Variants in DNAH17 observed in about 807,000 individuals in gnomAD.
DNAH17 encodes the protein dynein axonemal heavy chain 17, also known as axonemal beta dynein heavy chain 17.
Under a neutral mutation model 485.6 loss-of-function variants are expected in DNAH17, and 376 were observed. The observed-to-expected ratio is 0.77, with a 90% CI of 0.71 to 0.84. DNAH17 has a LOEUF of 0.84. Ranked by LOEUF, DNAH17 falls within the 40% of genes least tolerant of loss-of-function variation. DNAH17 has a pLI of 0.00. For missense variants in DNAH17, 6,370 were observed against 5,839.3 expected (o/e 1.09, Z -2.96); for synonymous variants, 3,031 against 2,405.9 (o/e 1.26, Z -7.60).
intron 37 of DNAH17, among the ~76,000 whole-genome samples, chr17:78,497,375 C>A (rs1313355790): frequency 6.6e-6 from 1 of 152,186 alleles, no homozygotes; most frequent in Non-Finnish European, 1.5e-5. Context: ...ATCCCAGACA[C>A]CCCCATGCCC....
chr17:78,460,057 T>C (rs2088021075), intron 59 of DNAH17, 56 bp from the exon 60 acceptor site: 3 of 1,600,112 alleles, frequency 1.9e-6, no homozygotes, highest in South Asian at 2.2e-5. Flanking sequence ...TCCTCGGTGA[T>C]GCCCCGAAGA....
At chr17:78,458,231 A>G (rs1211753208) in intron 62 of DNAH17, among the ~76,000 whole-genome samples, 1 of 152,216 alleles carries the variant, frequency 6.6e-6, no homozygotes, top group East Asian at 1.9e-4. Flanking sequence ...AATCCGTGAA[A>G]TGACTGTCCA....
At chr17:78,437,611 G>A (rs1416063571) in intron 74 of DNAH17, 30 bp downstream of exon 74, 13 of 1,558,436 alleles carry the variant, frequency 8.3e-6, no homozygotes, top group Admixed American at 1.8e-5. Context: ...GCATGGGATG[G>A]GGAGGCAGCC....
intron 62 of DNAH17, among the ~76,000 whole-genome samples, chr17:78,458,155 C>G (rs1459556558): frequency 6.6e-6 from 1 of 152,204 alleles, no homozygotes; most frequent in African/African-American, 2.4e-5. Context: ...GTGACACATC[C>G]ACATCTGGCA....
intron 55 of DNAH17, 64 bp downstream of exon 55, chr17:78,468,553 A>G (rs1208376694): frequency 6.5e-7 from 1 of 1,543,244 alleles, no homozygotes; most frequent in African/African-American, 1.4e-5. Context: ...GCAAAAACCC[A>G]TACCCTGTAG....
At chr17:78,478,060 TCCA>T (rs1179604793) in intron 51 of DNAH17, among the ~76,000 whole-genome samples, 2 of 57,402 alleles carry the variant, frequency 3.5e-5, no homozygotes, top group Non-Finnish European at 6.2e-5. Context: ...CATTATCATC[TCCA>T]CCATCACCAC....
intron 54 of DNAH17, among the ~76,000 whole-genome samples, chr17:78,469,211 G>A (rs900187109): frequency 9.9e-5 from 15 of 152,092 alleles, no homozygotes; most frequent in South Asian, 4.2e-4. Context: ...ATGCAATCTC[G>A]GCTCACTGCA....
intron 14 of DNAH17, among the ~76,000 whole-genome samples, chr17:78,553,846 A>G (rs937889526): frequency 6.6e-6 from 1 of 152,250 alleles, no homozygotes; most frequent in Non-Finnish European, 1.5e-5. Context: ...TCCTCAGTAT[A>G]TAATCACAAA....
At position 78,472,719 on chromosome 17, in the gene DNAH17, G is replaced by A. The variant is rs544197791; in HGVS notation, c.8511+2559C>T. Reference sequence around the variant, plus strand: ...TCCCCGAGGTCACGCACGCTGTCTCGGCAGGCACAGCCCTCGCTGGCCCTG... The same window carrying A: ...TCCCCGAGGTCACGCACGCTGTCTCAGCAGGCACAGCCCTCGCTGGCCCTG... On this transcript the variant is annotated intron_variant, in intron 54 of 80. Coordinates refer to ENST00000389840, the MANE Select transcript of DNAH17 (RefSeq NM_173628.4). The A allele has an allele frequency of 4.2e-4, 190 of 454,900 alleles. 4 individuals are homozygous for A. The highest frequency in any genetic ancestry group is 2.0e-3 in the South Asian group (126 of 64,268). 28.2% of individuals were successfully genotyped at this position (454,900 alleles called of 1,614,324 possible).
intron 36 of DNAH17, 51 bp downstream of exon 36, chr17:78,500,254 G>T: frequency 6.4e-7 from 1 of 1,551,734 alleles, no homozygotes. Context: ...GCTAGGATCT[G>T]CTTCTATAAA....
chr17:78,460,403 TATGTGTGTGC>T (rs1220416572), intron 58 of DNAH17, 146 bp from the exon 59 acceptor site: 9 of 672,616 alleles, frequency 1.3e-5, no homozygotes, highest in East Asian at 2.8e-5. Flanking sequence ...TGCATGAGTG[TATGTGTGTGC>T]ATGTATGTGT....
In DNAH17 at chr17:78,428,677, G is replaced by A. The variant is rs1187961284; in HGVS notation, c.12436C>T (p.Pro4146Ser). The A allele has an allele frequency of 1.2e-6, 2 of 1,613,826 alleles. No individual in the cohort carries two copies. The highest frequency in any genetic ancestry group is 1.3e-5 in the African/African-American group (1 of 74,880). Residue 4146 changes from proline to serine, a missense_variant, in exon 77 of 81, where the codon CCC becomes TCC. Coordinates refer to ENST00000389840, the MANE Select transcript of DNAH17 (RefSeq NM_173628.4). The stretch of plus-strand genomic sequence containing the variant: ...CCATACAGATAGGGACTCTCAGGGG[G>A]CAGGTTCTCATCGATGTATTCGTGG... ...GYHEYIDENL[P>S]PESPYLYGLH...
intron 75 of DNAH17, among the ~76,000 whole-genome samples, chr17:78,429,752 G>A (rs2086609353): frequency 6.6e-6 from 1 of 152,190 alleles, no homozygotes. Flanking sequence ...TTGATTCTGT[G>A]TGGCTCAAGG....
chr17:78,575,052 T>C lies in DNAH17; in HGVS notation c.6A>G (p.Thr2=). M[T]MAPDVRLEYL... is the part of the protein sequence containing the mutation. ...ACTCTAGTCTGACGTCCGGGGCCAT[T>C]GTCATCTTGGCCTTTCCTTACACTG... is the stretch of plus-strand genomic sequence containing the variant. The change falls in exon 2 of 81, where the codon ACA becomes ACG. Residue 2 remains threonine (T), a synonymous_variant. Transcript: ENST00000389840. The C allele has an allele frequency of 6.2e-7, 1 of 1,611,856 alleles. No individual in the cohort carries two copies. Among genetic ancestry groups the C allele is most frequent in the Middle Eastern group, 1.7e-4 (1 of 6,046 alleles).
chr17:78,481,318 T>C (rs142294373), intron 48 of DNAH17, among the ~76,000 whole-genome samples: 1,667 of 152,066 alleles, frequency 0.011, 35 homozygotes, highest in African/African-American at 0.038. Context: ...TTAGCCAGGA[T>C]GGTCTTGATC....
Position 78,502,495 on chromosome 17 carries a change from T to C in DNAH17, c.5190+96A>G. ...GCCTCCGAGAAGAAGCCGCTCCAGG[T>C]ACTCGCCCGGCAGGTTTCAGAAGGA... On this transcript the variant is annotated intron_variant, in intron 33 of 80. Coordinates refer to ENST00000389840, the MANE Select transcript of DNAH17 (RefSeq NM_173628.4). 3 of 1,189,672 alleles carry C rather than the reference T, an allele frequency of 2.5e-6. No homozygotes were observed. The South Asian group carries it at 5.0e-5, about 20-fold the overall frequency. 73.7% of individuals were successfully genotyped at this position (1,189,672 alleles called of 1,614,324 possible).
chr17:78,511,831 G>A (rs1003911791), intron 26 of DNAH17, among the ~76,000 whole-genome samples: 14 of 152,184 alleles, frequency 9.2e-5, no homozygotes, highest in African/African-American at 1.9e-4. Flanking sequence ...GTTTATCACC[G>A]CCCAAGCGTC....
rs771682457 is a variant in DNAH17 at position 78,439,154 on chromosome 17, T to C, written c.11741A>G (p.Gln3914Arg). Residue 3914 changes from glutamine (Q) to arginine (R), a missense_variant, in exon 73 of 81, where the codon CAA becomes CGA. Coordinates refer to ENST00000389840, the MANE Select transcript of DNAH17 (RefSeq NM_173628.4). ...KLHNVSLGQG[Q>R]EVVAENALDV... The stretch of plus-strand genomic sequence containing the variant: ...CAGGGCGTTCTCAGCCACCACCTCT[T>C]GTCCCTGCCCCAGGGACACATTATG... 1 of 1,613,698 alleles carries C rather than the reference T, an allele frequency of 6.2e-7. No individual in the cohort carries two copies. Among genetic ancestry groups the C allele is most frequent in the South Asian group, 1.1e-5 (1 of 91,082 alleles).
rs141871284 is a variant in DNAH17 at position 78,535,280 on chromosome 17, C to A, written c.2859+2019G>T. 7.4e-3 allele frequency among the ~76,000 whole-genome samples: 1,127 copies of A among 152,328 alleles called. 5 individuals carry two copies. The highest frequency in any genetic ancestry group is 0.021 in the African/African-American group (882 of 41,580). On this transcript the variant is annotated intron_variant, in intron 19 of 80. Coordinates refer to ENST00000389840, the MANE Select transcript of DNAH17 (RefSeq NM_173628.4). Reference sequence around the variant, plus strand: ...TAACCTAGCGTCTGCATAACTGGGGCAAATTCTATTCTCAACTCTGGAACA... The same window carrying A: ...TAACCTAGCGTCTGCATAACTGGGGAAAATTCTATTCTCAACTCTGGAACA...
Sources: gnomAD v4.1 joint callset for allele counts (sites outside exome capture counted in the v4.1 genomes callset) on GRCh38, gnomAD v4.1.1 for gene constraint, MANE v1.5 for transcripts, NCBI Gene and HGNC (gene_info 2026-07-23, HGNC 2026-07-21) for gene names.